CSMD1: variants seen among roughly 807,000 people sequenced by gnomAD.
The protein encoded by CSMD1 is CUB and Sushi multiple domains 1.
A neutral mutation model predicts 417.5 loss-of-function variants in CSMD1; 213 were observed. The ratio of observed to expected loss-of-function variants is 0.51; its 90% CI spans 0.46 to 0.57. CSMD1 has a LOEUF of 0.57. Among genes scored for constraint, CSMD1 ranks in the 20% least tolerant of loss-of-function variants. The pLI is 0.00. For missense variants in CSMD1, 6,923 were observed against 4,529.7 expected, an observed-to-expected ratio of 1.53 and a Z score of -15.17; for synonymous variants, 2,862 against 1,736.8, an observed-to-expected ratio of 1.65 and a Z score of -16.11.
At chr8:4,181,401 G>C (rs1004944847) in intron 3 of CSMD1, among the ~76,000 whole-genome samples, 1 of 151,782 alleles carries the variant, frequency 6.6e-6, no homozygotes, top group Non-Finnish European at 1.5e-5. Flanking sequence ...ATAAGGCAGG[G>C]TTCTCCAATC....
At chr8:4,255,770 G>A (rs922771291) in intron 3 of CSMD1, among the ~76,000 whole-genome samples, 2 of 152,216 alleles carry the variant, frequency 1.3e-5, no homozygotes, top group Non-Finnish European at 2.9e-5. Context: ...ATTAATATAT[G>A]TTTAAAGAAA....
At chr8:3,208,024 T>C (rs1038858220) in intron 30 of CSMD1, among the ~76,000 whole-genome samples, 3 of 152,198 alleles carry the variant, frequency 2.0e-5, no homozygotes, top group Admixed American at 6.5e-5. Context: ...AACCAGGTTA[T>C]GTCAGACCTA....
intron 2 of CSMD1, among the ~76,000 whole-genome samples, chr8:4,550,245 T>C (rs950807349): frequency 6.6e-6 from 1 of 151,824 alleles, no homozygotes; most frequent in Non-Finnish European, 1.5e-5. Flanking sequence ...TCACTTTTGC[T>C]TCTCATTTCC....
rs570614746 is a variant in CSMD1, at chr8:3,691,711, T to G, written c.1009+16703A>C. Among the ~76,000 whole-genome samples the G allele has an allele frequency of 8.5e-5, 13 of 152,234 alleles. No individual in the cohort carries two copies. In the East Asian group the frequency reaches 2.5e-3, roughly 29 times the overall value. On this transcript the variant is annotated intron_variant, in intron 7 of 69. Transcript: ENST00000635120. Reference sequence around the variant, plus strand: ...AATGTAATAAACAAATAAAACCCTATAAGGTAAATATTATCGCTATTTTAG... The same window carrying G: ...AATGTAATAAACAAATAAAACCCTAGAAGGTAAATATTATCGCTATTTTAG...
At chr8:4,693,680 TTCAGAGATGAGG>T (rs989311339) in intron 1 of CSMD1, among the ~76,000 whole-genome samples, 2 of 152,192 alleles carry the variant, frequency 1.3e-5, no homozygotes, top group Admixed American at 1.3e-4. Flanking sequence ...AACTTATTCT[TTCAGAGATGAGG>T]TCTCCCTACG....
At chr8:4,237,128 C>T (rs188823751) in intron 3 of CSMD1, among the ~76,000 whole-genome samples, 6 of 152,282 alleles carry the variant, frequency 3.9e-5, no homozygotes, top group Admixed American at 6.5e-5. Flanking sequence ...CTACTTTGCA[C>T]GGAAGCCCTA....
At chr8:3,935,265 A>G (rs1199752500) in intron 5 of CSMD1, among the ~76,000 whole-genome samples, 1 of 152,234 alleles carries the variant, frequency 6.6e-6, no homozygotes, top group Non-Finnish European at 1.5e-5. Flanking sequence ...ATTATATGAA[A>G]GAATTTTCAT....
intron 23 of CSMD1, among the ~76,000 whole-genome samples, chr8:3,330,132 G>T (rs370498177): frequency 5.6e-4 from 85 of 152,224 alleles, no homozygotes; most frequent in African/African-American, 2.0e-3. Flanking sequence ...CCTGCAGACA[G>T]AAATGTCATT....
Position 4,426,729 on chromosome 8 carries a change from CATTT to C in CSMD1, c.303-6668_303-6665del, listed in dbSNP as rs539250211. On this transcript the variant is annotated intron_variant, in intron 2 of 69. Coordinates refer to ENST00000635120, the MANE Select transcript of CSMD1 (RefSeq NM_033225.6). ...TGCAGTAATATTTTATTACTATATA[CATTT>C]ATTATACAATATAGTAATATAGTAA... Among the ~76,000 whole-genome samples the C allele has an allele frequency of 5.4e-3, 793 of 146,176 alleles. 6 individuals carry two copies. Among genetic ancestry groups the C allele is most frequent in the African/African-American group, 0.018 (728 of 40,256 alleles).
chr8:4,944,361 T>C (rs915267231), intron 1 of CSMD1, among the ~76,000 whole-genome samples: 2 of 152,186 alleles, frequency 1.3e-5, no homozygotes, highest in African/African-American at 4.8e-5. Context: ...GTTTAAATTA[T>C]AAGGGCCAGC....
chr8:4,083,119 AG>A (rs899186054), intron 3 of CSMD1, among the ~76,000 whole-genome samples: 1 of 152,092 alleles, frequency 6.6e-6, no homozygotes, highest in African/African-American at 2.4e-5. Context: ...TAGTCCTTTT[AG>A]TATATACCCA....
intron 8 of CSMD1, among the ~76,000 whole-genome samples, chr8:3,602,642 A>T (rs1037303895): frequency 6.6e-6 from 1 of 152,080 alleles, no homozygotes; most frequent in Non-Finnish European, 1.5e-5. Context: ...TAAGAGTCAC[A>T]GGGTGTTATA....
intron 42 of CSMD1, among the ~76,000 whole-genome samples, chr8:3,115,369 G>A (rs142814168): frequency 0.12 from 17,593 of 151,892 alleles, 1,680 homozygotes; most frequent in African/African-American, 0.26. Flanking sequence ...GCCTGGCTAA[G>A]TTTTGTATTT....
At chr8:4,795,725 A>G (rs1229604412) in intron 1 of CSMD1, among the ~76,000 whole-genome samples, 1 of 152,126 alleles carries the variant, frequency 6.6e-6, no homozygotes, top group African/African-American at 2.4e-5. Flanking sequence ...AGGCATCCTG[A>G]CAGGTCCTCC....
At chr8:3,532,641 T>C (rs540399664) in intron 10 of CSMD1, among the ~76,000 whole-genome samples, 1 of 152,282 alleles carries the variant, frequency 6.6e-6, no homozygotes, top group South Asian at 2.1e-4. Context: ...TTACATTCTA[T>C]TACTCTGAAA....
At position 4,628,216 on chromosome 8, in the gene CSMD1, T is replaced by A. The variant is rs549649751; in HGVS notation, c.302+9126A>T. On this transcript the variant is annotated intron_variant, in intron 2 of 69. Transcript: ENST00000635120. The stretch of plus-strand genomic sequence containing the variant: ...TTCTATGTTAACATTTTCTTGTAGT[T>A]CTAAAAGTGCATCTTATAAATGAAG... Among the ~76,000 whole-genome samples the A allele has an allele frequency of 3.3e-5, 5 of 151,692 alleles. No homozygotes were observed. In the East Asian group the frequency reaches 7.8e-4, roughly 24 times the overall value.
intron 3 of CSMD1, among the ~76,000 whole-genome samples, chr8:4,261,281 T>C (rs929127134): frequency 6.6e-6 from 1 of 152,154 alleles, no homozygotes; most frequent in African/African-American, 2.4e-5. Context: ...TCTTTCCTTT[T>C]TGTTTCTAAG....
intron 12 of CSMD1, among the ~76,000 whole-genome samples, chr8:3,416,385 C>CA (rs1448722847): frequency 6.7e-6 from 1 of 149,780 alleles, no homozygotes; most frequent in Non-Finnish European, 1.5e-5. Context: ...AACAGAGGAC[C>CA]AAACACTACA....
intron 7 of CSMD1, among the ~76,000 whole-genome samples, chr8:3,695,340 A>G (rs918042407): frequency 2.0e-5 from 3 of 151,618 alleles, no homozygotes; most frequent in Non-Finnish European, 4.4e-5. Context: ...ATTTCCTGTA[A>G]GAAATGACAA....
Sources: gnomAD v4.1 joint callset for allele counts (sites outside exome capture counted in the v4.1 genomes callset) on GRCh38, gnomAD v4.1.1 for gene constraint, MANE v1.5 for transcripts, NCBI Gene and HGNC (gene_info 2026-07-23, HGNC 2026-07-21) for gene names.